The following SP140 variants were observed in gnomAD, a reference collection of about 807,000 sequenced individuals.
SP140 encodes the protein nuclear body protein SP140.
In SP140, 81 loss-of-function variants were observed where a neutral mutation model predicts 125.0. The ratio of observed to expected loss-of-function variants is 0.65; its 90% CI spans 0.54 to 0.78. The LOEUF is 0.78. Ranked by LOEUF, SP140 falls within the 30% of genes least tolerant of loss-of-function variation. SP140 has a pLI of 0.00. For synonymous variants in SP140, 312 were observed against 354.0 expected (o/e 0.88, Z 1.33); for missense variants, 858 against 1,037.0 (o/e 0.83, Z 2.37).
At chr2:230,261,489 G>A (rs1300139624) in intron 12 of SP140, among the ~76,000 whole-genome samples, 1 of 152,120 alleles carries the variant, frequency 6.6e-6, no homozygotes, top group East Asian at 1.9e-4. Context: ...CCAGTACTAT[G>A]TTGAAGAGGA....
upstream of SP140, chr2:230,200,962 A>G (rs1420369454): frequency 1.2e-6 from 2 of 1,612,260 alleles, no homozygotes; most frequent in East Asian, 2.2e-5. Flanking sequence ...GCCATCAATG[A>G]TCTCTGGAAA....
intron 21 of SP140, 66 bp downstream of exon 21, chr2:230,294,384 T>C: frequency 8.2e-7 from 1 of 1,225,090 alleles, no homozygotes; most frequent in Non-Finnish European, 1.2e-6. Context: ...CAAAATCTTA[T>C]TTTATGGGGT....
At chr2:230,232,707 G>A (rs1439337740) in intron 1 of SP140, among the ~76,000 whole-genome samples, 1 of 152,100 alleles carries the variant, frequency 6.6e-6, no homozygotes. Context: ...CAAATACCTG[G>A]TATGATCTTG....
chr2:230,288,471 TTCTTTCTTTCTTTC>T (rs1324865986), intron 18 of SP140, among the ~76,000 whole-genome samples: 3 of 99,060 alleles, frequency 3.0e-5, no homozygotes, highest in Non-Finnish European at 6.6e-5. Flanking sequence ...CTTTCTTTCT[TTCTTTCTTTCTTTC>T]TTTCTTTCTT....
intron 1 of SP140, among the ~76,000 whole-genome samples, chr2:230,209,078 T>C (rs2044188549): frequency 6.6e-6 from 1 of 152,158 alleles, no homozygotes; most frequent in Non-Finnish European, 1.5e-5. Context: ...TCTTTTTCTT[T>C]TGTTAGGATT....
chr2:230,248,377 A>G (rs948145763), intron 8 of SP140, among the ~76,000 whole-genome samples: 2 of 152,160 alleles, frequency 1.3e-5, no homozygotes, highest in Non-Finnish European at 2.9e-5. Context: ...CTGGGGGTTC[A>G]GGGCCAGGTC....
rs2044416567 is a variant in SP140 at position 230,211,083 on chromosome 2, T to A, written c.-322-2571T>A. Among the ~76,000 whole-genome samples the A allele has an allele frequency of 6.6e-6, 1 of 152,186 alleles. No homozygotes were observed. The highest frequency in any genetic ancestry group is 1.5e-5 in the Non-Finnish European group (1 of 68,008). ...TCAGAAGAGTGGCTCTGTCAAACAG[T>A]CCAGCCTGACTCAGTTCCCTTGCTT... On this transcript the variant is annotated intron_variant, in intron 1 of 4. Transcript: ENST00000456542. This position sits in a 1 kb window ranked among gnomAD's most constrained non-coding sequence, Gnocchi z 4.2.
chr2:230,303,025 C>A lies in SP140; in HGVS notation c.2058+5563C>A, dbSNP rs189131697. ...ACTAGAGAAAGAAGAACAAACCAAA[C>A]CCAAACCCAGCAGAAGAAAAGAAAT... On this transcript the variant is annotated intron_variant, in intron 22 of 26. Coordinates refer to ENST00000392045, the MANE Select transcript of SP140 (RefSeq NM_007237.5). 3.3e-5 allele frequency among the ~76,000 whole-genome samples: 5 copies of A among 151,994 alleles called. No individual in the cohort carries two copies. The East Asian group carries it at 9.7e-4, about 29-fold the overall frequency.
At chr2:230,263,481 C>T (rs2052598159) in intron 12 of SP140, among the ~76,000 whole-genome samples, 1 of 152,174 alleles carries the variant, frequency 6.6e-6, no homozygotes, top group Non-Finnish European at 1.5e-5. Context: ...ATGTGAGGTA[C>T]CATTGCATTC....
At chr2:230,294,918 G>A (rs571078152) in intron 21 of SP140, among the ~76,000 whole-genome samples, 8 of 152,260 alleles carry the variant, frequency 5.3e-5, no homozygotes, top group Non-Finnish European at 8.8e-5. Context: ...ATTATTTCCT[G>A]TTACCACAAT....
Position 230,235,464 on chromosome 2 carries a change from C to T in SP140, c.60-1619C>T, listed in dbSNP as rs569436215. ...GAGAAAAACAGTTGTCATTAATCAACGATTTTAAACCAGAAGGCTTTTTCT... is the reference window on the plus strand; with the variant it reads ...GAGAAAAACAGTTGTCATTAATCAATGATTTTAAACCAGAAGGCTTTTTCT... On this transcript the variant is annotated intron_variant, in intron 1 of 26. Transcript: ENST00000392045. Among the ~76,000 whole-genome samples, 9 of 152,222 alleles carry T rather than the reference C, an allele frequency of 5.9e-5. No individual in the cohort carries two copies. The South Asian group carries it at 8.3e-4, about 14-fold the overall frequency.
At chr2:230,191,161 A>C in the SP140 span, among the ~76,000 whole-genome samples, 1 of 152,222 alleles carries the variant, frequency 6.6e-6, no homozygotes, top group Non-Finnish European at 1.5e-5. Context: ...GAAAACTTGT[A>C]GCACTAAATG....
At chr2:230,238,117 C>CGT in intron 2 of SP140, 96 bp from the exon 3 acceptor site, 1 of 836,508 alleles carries the variant, frequency 1.2e-6, no homozygotes, top group Non-Finnish European at 1.8e-6. Flanking sequence ...AAAATTCTAA[C>CGT]ATTTCACAAG....
Position 230,280,990 on chromosome 2 carries a change from C to G in SP140, c.1499-3356C>G, listed in dbSNP as rs527815080. Reference sequence around the variant, plus strand: ...AACTTTTTAGCTACATTAAAAATTCCAGGTCGATAATTTATTTCTTCTCAG... The same window carrying G: ...AACTTTTTAGCTACATTAAAAATTCGAGGTCGATAATTTATTTCTTCTCAG... On this transcript the variant is annotated intron_variant, in intron 15 of 26. Coordinates refer to ENST00000392045, the MANE Select transcript of SP140 (RefSeq NM_007237.5). Among the ~76,000 whole-genome samples the G allele has an allele frequency of 2.6e-5, 4 of 152,054 alleles. No homozygotes were observed. In the East Asian group the frequency reaches 7.7e-4, roughly 29 times the overall value.
At chr2:230,231,648 A>G (rs1273054678) in intron 1 of SP140, among the ~76,000 whole-genome samples, 1 of 152,148 alleles carries the variant, frequency 6.6e-6, no homozygotes, top group Non-Finnish European at 1.5e-5. Context: ...TTACATCTCG[A>G]TCTTTTAATG....
At chr2:230,251,508 C>T (rs79193506) in intron 10 of SP140, among the ~76,000 whole-genome samples, 14,315 of 152,140 alleles carry the variant, frequency 0.094, 887 homozygotes, top group Non-Finnish European at 0.12. Flanking sequence ...GGAAAAAATG[C>T]TCTTTGCCTT....
upstream of SP140, among the ~76,000 whole-genome samples, chr2:230,199,142 A>ATTG (rs1386588217): frequency 8.4e-6 from 1 of 119,760 alleles, no homozygotes; most frequent in Non-Finnish European, 1.7e-5. Flanking sequence ...TATTATTATT[A>ATTG]TTATTATTTT....
intron 6 of SP140, 111 bp from the exon 7 acceptor site, chr2:230,245,752 C>G: frequency 1.5e-6 from 1 of 684,956 alleles, no homozygotes; most frequent in Admixed American, 2.5e-5. Context: ...TGCAAAGATA[C>G]CTTTATTCCC....
At chr2:230,271,087 A>G (rs1224192699) in intron 15 of SP140, among the ~76,000 whole-genome samples, 4 of 152,232 alleles carry the variant, frequency 2.6e-5, no homozygotes, top group Non-Finnish European at 5.9e-5. Context: ...TCCAGCTCCC[A>G]GAAAGGAATT....
Sources: allele counts gnomAD v4.1 joint callset (sites outside exome capture counted in the v4.1 genomes callset), GRCh38; gene constraint gnomAD v4.1.1; non-coding constraint Gnocchi (gnomAD v3.1); transcripts MANE v1.5; gene names NCBI Gene and HGNC (gene_info 2026-07-23, HGNC 2026-07-21).